Variants in CCRL2 observed in about 807,000 individuals in gnomAD.
CCRL2 encodes C-C motif chemokine receptor like 2.
For missense variants in CCRL2, 451 were observed against 412.4 expected, an observed-to-expected ratio of 1.09 and a Z score of -0.81; for synonymous variants, 181 against 165.6, an observed-to-expected ratio of 1.09 and a Z score of -0.71.
At position 46,408,792 on chromosome 3, in the gene CCRL2, A is replaced by G. The variant is rs772773531; in HGVS notation, c.713A>G (p.Lys238Arg). ...AGGGAGCAGAGGTATAGCCTTTTCAAGCTTGTTTTTGCCATAATGGTAGTC... is the reference window on the plus strand; with the variant it reads ...AGGGAGCAGAGGTATAGCCTTTTCAGGCTTGTTTTTGCCATAATGGTAGTC... ...RFREQRYSLF[K>R]LVFAIMVVFL... is the part of the protein sequence containing the mutation. The change falls in exon 2 of 2, where the codon AAG becomes AGG. Residue 238 changes from lysine (K) to arginine (R), a missense_variant. Transcript: ENST00000399036. 69 of 1,614,082 alleles carry G rather than the reference A, an allele frequency of 4.3e-5. 2 individuals are homozygous for G. In the South Asian group the frequency reaches 7.2e-4, roughly 17 times the overall value.
intron 1 of CCRL2, 50 bp downstream of exon 1, chr3:46,407,552 G>A: frequency 1.3e-6 from 1 of 791,796 alleles, no homozygotes; most frequent in South Asian, 1.6e-5. Flanking sequence ...TGGCCATGTT[G>A]ATGCTGAGCA....
rs1195967020 is a variant in CCRL2, at chr3:46,408,810, T to C, written c.731T>C (p.Met244Thr). 6.2e-6 allele frequency: 10 copies of C among 1,614,238 alleles called. No homozygotes were observed. The highest frequency in any genetic ancestry group is 6.8e-6 in the Non-Finnish European group (8 of 1,180,046). ...CTTTTCAAGCTTGTTTTTGCCATAA[T>C]GGTAGTCTTCCTTCTGATGTGGGCG... ...YSLFKLVFAI[M>T]VVFLLMWAPY... Residue 244 changes from methionine to threonine, a missense_variant, in exon 2 of 2, where the codon ATG becomes ACG. Transcript: ENST00000399036.
chr3:46,409,392 C>T lies in CCRL2; in HGVS notation c.*278C>T. The T allele has an allele frequency of 4.4e-6, 2 of 456,802 alleles. No individual in the cohort carries two copies. The highest frequency in any genetic ancestry group is 4.0e-6 in the Non-Finnish European group (1 of 248,484). 28.3% of individuals were successfully genotyped at this position (456,802 alleles called of 1,614,324 possible). On this transcript the variant is annotated 3_prime_UTR_variant, in exon 2 of 2. Transcript: ENST00000399036. ...AGGCGCGGAAATTTGTCTAAGATCACATAACTAGGAAGTGGCAGAACTGAT... is the reference window on the plus strand; with the variant it reads ...AGGCGCGGAAATTTGTCTAAGATCATATAACTAGGAAGTGGCAGAACTGAT...
At position 46,407,383 on chromosome 3, in the gene CCRL2, C is replaced by T. The variant is rs754607311; in HGVS notation, c.-132C>T. 4.7e-6 allele frequency: 2 copies of T among 423,176 alleles called. No homozygotes were observed. The highest frequency in any genetic ancestry group is 8.3e-6 in the Non-Finnish European group (2 of 242,284). 26.2% of individuals were successfully genotyped at this position (423,176 alleles called of 1,614,324 possible). On this transcript the variant is annotated 5_prime_UTR_variant, in exon 1 of 2. Coordinates refer to ENST00000399036, the MANE Select transcript of CCRL2 (RefSeq NM_003965.5). ...GGAATCAACAGTGGTTTCTCGTGCCCCTCAGGGTCAGGAGCAGTCTGATCA... is the reference window on the plus strand; with the variant it reads ...GGAATCAACAGTGGTTTCTCGTGCCTCTCAGGGTCAGGAGCAGTCTGATCA...
rs761152692 is a variant in CCRL2 at position 46,408,803 on chromosome 3, G to C, written c.724G>C (p.Ala242Pro). Residue 242 changes from alanine to proline, a missense_variant, in exon 2 of 2, where the codon GCC becomes CCC. Ala to Pro is a conservative substitution (Grantham distance 27). Transcript: ENST00000399036. ...QRYSLFKLVFAIMVVFLLMWA... is the reference protein window; with the variant it reads ...QRYSLFKLVFPIMVVFLLMWA... ...GTATAGCCTTTTCAAGCTTGTTTTT[G>C]CCATAATGGTAGTCTTCCTTCTGAT... is the stretch of plus-strand genomic sequence containing the variant. The C allele has an allele frequency of 6.2e-7, 1 of 1,614,136 alleles. No homozygotes were observed. Among genetic ancestry groups the C allele is most frequent in the Non-Finnish European group, 8.5e-7 (1 of 1,180,020 alleles).
At position 46,408,146 on chromosome 3, in the gene CCRL2, G is replaced by T; in HGVS notation, c.67G>T (p.Asp23Tyr). 6.2e-7 allele frequency: 1 copy of T among 1,608,594 alleles called. No individual in the cohort carries two copies. The highest frequency in any genetic ancestry group is 2.2e-5 in the East Asian group (1 of 44,732). ...DVLIEGELES[D>Y]EAEQCDKYDA... ...CCTCATAGAAGGTGAACTGGAGAGC[G>T]ATGAGGCAGAGCAATGTGACAAGTA... The change falls in exon 2 of 2, where the codon GAT (aspartate) becomes TAT (tyrosine). Residue 23 changes from aspartate (D) to tyrosine (Y), a missense_variant. By Grantham distance (160) the Asp-to-Tyr change is radical (BLOSUM62 -3). Transcript: ENST00000399036.
At position 46,409,230 on chromosome 3, in the gene CCRL2, G is replaced by A. The variant is rs1200002240; in HGVS notation, c.*116G>A. 2 of 1,021,078 alleles carry A rather than the reference G, an allele frequency of 2.0e-6. No homozygotes were observed. Among genetic ancestry groups the A allele is most frequent in the Non-Finnish European group, 2.9e-6 (2 of 690,106 alleles). 63.3% of individuals were successfully genotyped at this position (1,021,078 alleles called of 1,614,324 possible). A position where few individuals can be genotyped will look rare whatever the true frequency, so the allele number is the denominator to read the frequency against. On this transcript the variant is annotated 3_prime_UTR_variant, in exon 2 of 2. Coordinates refer to ENST00000399036, the MANE Select transcript of CCRL2 (RefSeq NM_003965.5). ...ATCGGATACAGGAAGAAAAGGGAGA[G>A]GTGAGCTAACATTTGCTAAGCACTG...
chr3:46,409,050 A>G lies in CCRL2; in HGVS notation c.971A>G (p.Gln324Arg), dbSNP rs758550514. The G allele has an allele frequency of 6.2e-7, 1 of 1,614,162 alleles. No homozygotes were observed. The highest frequency in any genetic ancestry group is 1.7e-5 in the Admixed American group (1 of 60,012). Residue 324 changes from glutamine (Q) to arginine (R), a missense_variant, in exon 2 of 2, where the codon CAA (glutamine) becomes CGA (arginine). Physicochemically the swap from Gln to Arg is conservative, Grantham distance 43. Coordinates refer to ENST00000399036, the MANE Select transcript of CCRL2 (RefSeq NM_003965.5). Reference protein sequence around the residue: ...CFHLRSNTPLQPRGQSAQGTS... With the variant: ...CFHLRSNTPLRPRGQSAQGTS... ...CATCTGCGTAGTAACACCCCACTTC[A>G]ACCCAGGGGGCAGTCTGCACAAGGC...
At position 46,409,225 on chromosome 3, in the gene CCRL2, G is replaced by C; in HGVS notation, c.*111G>C. The C allele has an allele frequency of 9.5e-7, 1 of 1,049,012 alleles. No individual in the cohort carries two copies. Among genetic ancestry groups the C allele is most frequent in the Non-Finnish European group, 1.4e-6 (1 of 713,564 alleles). 65.0% of individuals were successfully genotyped at this position (1,049,012 alleles called of 1,614,324 possible). ...ACAAAATCGGATACAGGAAGAAAAG[G>C]GAGAGGTGAGCTAACATTTGCTAAG... On this transcript the variant is annotated 3_prime_UTR_variant, in exon 2 of 2. Coordinates refer to ENST00000399036, the MANE Select transcript of CCRL2 (RefSeq NM_003965.5).
Position 46,409,214 on chromosome 3 carries a change from A to G in CCRL2, c.*100A>G. 8.8e-7 allele frequency: 1 copy of G among 1,137,518 alleles called. No individual in the cohort carries two copies. Among genetic ancestry groups the G allele is most frequent in the Non-Finnish European group, 1.3e-6 (1 of 789,208 alleles). 70.5% of individuals were successfully genotyped at this position (1,137,518 alleles called of 1,614,324 possible). On this transcript the variant is annotated 3_prime_UTR_variant, in exon 2 of 2. Coordinates refer to ENST00000399036, the MANE Select transcript of CCRL2 (RefSeq NM_003965.5). Reference sequence around the variant, plus strand: ...CACATTTGTATACAAAATCGGATACAGGAAGAAAAGGGAGAGGTGAGCTAA... The same window carrying G: ...CACATTTGTATACAAAATCGGATACGGGAAGAAAAGGGAGAGGTGAGCTAA...
Position 46,408,671 on chromosome 3 carries a change from C to A in CCRL2, c.592C>A (p.His198Asn), listed in dbSNP as rs771532148. 4.2e-5 allele frequency: 68 copies of A among 1,614,218 alleles called. No homozygotes were observed. The highest frequency in any genetic ancestry group is 5.7e-5 in the Non-Finnish European group (67 of 1,180,038). The change falls in exon 2 of 2, where the codon CAT becomes AAT. Residue 198 changes from histidine (H) to asparagine (N), a missense_variant. Coordinates refer to ENST00000399036, the MANE Select transcript of CCRL2 (RefSeq NM_003965.5). Reference sequence around the variant, plus strand: ...GCCAGCTGATGAGACATTCTGGAAGCATTTTCTGACTTTAAAAATGAACAT... The same window carrying A: ...GCCAGCTGATGAGACATTCTGGAAGAATTTTCTGACTTTAAAAATGAACAT... ...FLPADETFWK[H>N]FLTLKMNISV...
At position 46,408,508 on chromosome 3, in the gene CCRL2, G is replaced by A; in HGVS notation, c.429G>A (p.Arg143=). ...LHKGNFFSAR[R]RVPCGIITSV... Reference sequence around the variant, plus strand: ...AGGGAAACTTTTTCTCAGCCAGGAGGAGGGTGCCCTGTGGCATCATTACAA... The same window carrying A: ...AGGGAAACTTTTTCTCAGCCAGGAGAAGGGTGCCCTGTGGCATCATTACAA... The change falls in exon 2 of 2, where the codon AGG becomes AGA. Residue 143 remains arginine (R), a synonymous_variant. Coordinates refer to ENST00000399036, the MANE Select transcript of CCRL2 (RefSeq NM_003965.5). 1 of 1,614,234 alleles carries A rather than the reference G, an allele frequency of 6.2e-7. No homozygotes were observed. Among genetic ancestry groups the A allele is most frequent in the Non-Finnish European group, 8.5e-7 (1 of 1,180,040 alleles).
In CCRL2 at chr3:46,408,685, A is replaced by G; in HGVS notation, c.606A>G (p.Leu202=). Residue 202 remains leucine (L), a synonymous_variant, in exon 2 of 2, where the codon TTA becomes TTG. Transcript: ENST00000399036. ...DETFWKHFLT[L]KMNISVLVLP... ...CATTCTGGAAGCATTTTCTGACTTTAAAAATGAACATTTCGGTTCTTGTCC... is the reference window on the plus strand; with the variant it reads ...CATTCTGGAAGCATTTTCTGACTTTGAAAATGAACATTTCGGTTCTTGTCC... 6.2e-7 allele frequency: 1 copy of G among 1,614,222 alleles called. No individual in the cohort carries two copies. The highest frequency in any genetic ancestry group is 8.5e-7 in the Non-Finnish European group (1 of 1,180,042).
In CCRL2 at chr3:46,408,184, A is replaced by C; in HGVS notation, c.105A>C (p.Ala35=). The C allele has an allele frequency of 6.2e-7, 1 of 1,613,284 alleles. No homozygotes were observed. The highest frequency in any genetic ancestry group is 8.5e-7 in the Non-Finnish European group (1 of 1,179,622). The change falls in exon 2 of 2, where the codon GCA becomes GCC. Residue 35 remains alanine (A), a synonymous_variant. Transcript: ENST00000399036. Reference sequence around the variant, plus strand: ...AATGTGACAAGTATGACGCCCAGGCACTCTCAGCCCAGCTGGTGCCATCAC... The same window carrying C: ...AATGTGACAAGTATGACGCCCAGGCCCTCTCAGCCCAGCTGGTGCCATCAC... The part of the protein sequence containing the change: ...AEQCDKYDAQ[A]LSAQLVPSLC...
In CCRL2 at chr3:46,408,877, C is replaced by T. The variant is rs776860262; in HGVS notation, c.798C>T (p.His266=). The T allele has an allele frequency of 1.9e-6, 3 of 1,614,214 alleles. No homozygotes were observed. The highest frequency in any genetic ancestry group is 1.7e-6 in the Non-Finnish European group (2 of 1,180,028). Residue 266 remains histidine (H), a synonymous_variant, in exon 2 of 2, where the codon CAC becomes CAT. Transcript: ENST00000399036. ...IAFFLSTFKE[H]FSLSDCKSSY... ...TTTTCCTGTCCACTTTCAAAGAACA[C>T]TTCTCCCTGAGTGACTGCAAGAGCA...
At chr3:46,407,674 A>C in intron 1 of CCRL2, 172 bp downstream of exon 1, 1 of 1,544,964 alleles carries the variant, frequency 6.5e-7, no homozygotes, top group Non-Finnish European at 8.7e-7. Flanking sequence ...AGAAATTATG[A>C]TCTACACCCG....
Position 46,408,152 on chromosome 3 carries a change from G to T in CCRL2, c.73G>T (p.Ala25Ser). 1 of 1,609,856 alleles carries T rather than the reference G, an allele frequency of 6.2e-7. No individual in the cohort carries two copies. The highest frequency in any genetic ancestry group is 8.5e-7 in the Non-Finnish European group (1 of 1,177,862). ...LIEGELESDE[A>S]EQCDKYDAQA... Reference sequence around the variant, plus strand: ...AGAAGGTGAACTGGAGAGCGATGAGGCAGAGCAATGTGACAAGTATGACGC... The same window carrying T: ...AGAAGGTGAACTGGAGAGCGATGAGTCAGAGCAATGTGACAAGTATGACGC... Residue 25 changes from alanine (A) to serine (S), a missense_variant, in exon 2 of 2, where the codon GCA becomes TCA. Transcript: ENST00000399036.
Position 46,408,849 on chromosome 3 carries a change from C to T in CCRL2, c.770C>T (p.Ala257Val), listed in dbSNP as rs1702096738. The T allele has an allele frequency of 6.2e-7, 1 of 1,614,190 alleles. No homozygotes were observed. Among genetic ancestry groups the T allele is most frequent in the Non-Finnish European group, 8.5e-7 (1 of 1,180,030 alleles). Reference protein sequence around the residue: ...FLLMWAPYNIAFFLSTFKEHF... With the variant: ...FLLMWAPYNIVFFLSTFKEHF... ...CTGATGTGGGCGCCCTACAATATTG[C>T]ATTTTTCCTGTCCACTTTCAAAGAA... is the stretch of plus-strand genomic sequence containing the variant. Residue 257 changes from alanine to valine, a missense_variant, in exon 2 of 2, where the codon GCA (alanine) becomes GTA (valine). By Grantham distance (64) the Ala-to-Val change is moderately conservative. Coordinates refer to ENST00000399036, the MANE Select transcript of CCRL2 (RefSeq NM_003965.5).
At position 46,407,488 on chromosome 3, in the gene CCRL2, G is replaced by A; in HGVS notation, c.-27G>A. The A allele has an allele frequency of 1.7e-6, 1 of 605,530 alleles. No individual in the cohort carries two copies. Among genetic ancestry groups the A allele is most frequent in the Non-Finnish European group, 2.9e-6 (1 of 341,374 alleles). The allele number at this position is 605,530 out of a possible 1,614,324, so 37.5% of individuals were successfully genotyped here. A position where few individuals can be genotyped will look rare whatever the true frequency, so the allele number is the denominator to read the frequency against. ...TGGAGGCTGCGCCCTTCCCCTGCAG[G>A]AGCTCAGCCCAGTGGTAAGTCATCT... On this transcript the variant is annotated 5_prime_UTR_variant, in exon 1 of 2. Transcript: ENST00000399036.
Sources: gnomAD v4.1 joint callset for allele counts on GRCh38, gnomAD v4.1.1 for gene constraint, MANE v1.5 for transcripts, NCBI Gene and HGNC (gene_info 2026-07-23, HGNC 2026-07-21) for gene names.